Variants in ANKRA2 observed in about 807,000 individuals in gnomAD.
ANKRA2 encodes the protein ankyrin repeat family A protein 2.
ANKRA2 carries 33 observed loss-of-function variants against 37.8 expected under a neutral mutation model. That is an observed-to-expected ratio of 0.87 (90% CI 0.66 to 1.17). The LOEUF is 1.17. Ranked by LOEUF, ANKRA2 falls within the 50% of genes most tolerant of loss-of-function variation. The probability of loss-of-function intolerance (pLI) is 0.00; values close to 1 mark genes in which losing one functional copy is unlikely to be tolerated. For synonymous variants in ANKRA2, 126 were observed against 132.3 expected (o/e 0.95, Z 0.33); for missense variants, 326 against 373.7 (o/e 0.87, Z 1.05).
chr5:73,554,927 A>C lies in ANKRA2; in HGVS notation c.672T>G (p.Ser224Arg). The change falls in exon 6 of 9, where the codon AGT becomes AGG. Residue 224 changes from serine to arginine, a missense_variant. Physicochemically the swap from Ser to Arg is moderately radical, Grantham distance 110. Transcript: ENST00000296785. The part of the protein sequence containing the change: ...GRESALSLAC[S>R]KGYTDIVKML... Reference sequence around the variant, plus strand: ...TTTTGACAATATCTGTGTAGCCTTTACTACAGGCCAACGACAGTGCACTTT... The same window carrying C: ...TTTTGACAATATCTGTGTAGCCTTTCCTACAGGCCAACGACAGTGCACTTT... 1 of 1,613,816 alleles carries C rather than the reference A, an allele frequency of 6.2e-7. No homozygotes were observed. Among genetic ancestry groups the C allele is most frequent in the South Asian group, 1.1e-5 (1 of 91,064 alleles).
chr5:73,555,429 C>T, intron 5 of ANKRA2, 59 bp downstream of exon 5: 2 of 1,599,358 alleles, frequency 1.3e-6, no homozygotes, highest in Non-Finnish European at 1.7e-6. Context: ...TATAAAAACT[C>T]TACTAAAGAC....
intron 5 of ANKRA2, 140 bp from the exon 6 acceptor site, chr5:73,555,126 C>A: frequency 6.9e-7 from 1 of 1,440,784 alleles, no homozygotes; most frequent in Middle Eastern, 2.1e-4. Context: ...AACTTTTACT[C>A]ATGGATGCTT....
rs1183441692 is a variant in ANKRA2 at position 73,565,627 on chromosome 5, G to C, written c.-600C>G. Reference sequence around the variant, plus strand: ...TTCAGTTGACGGTTCTGGGTCACCAGAGCAGAGGAAGCCCCAATTTCGCCC... The same window carrying C: ...TTCAGTTGACGGTTCTGGGTCACCACAGCAGAGGAAGCCCCAATTTCGCCC... On this transcript the variant is annotated 5_prime_UTR_variant, in exon 1 of 9. Transcript: ENST00000296785. 4 of 399,928 alleles carry C rather than the reference G, an allele frequency of 1.0e-5. No homozygotes were observed. The highest frequency in any genetic ancestry group is 2.0e-5 in the Non-Finnish European group (4 of 200,072). 24.8% of individuals were successfully genotyped at this position (399,928 alleles called of 1,614,324 possible). A position where few individuals can be genotyped will look rare whatever the true frequency, so the allele number is the denominator to read the frequency against.
intron 3 of ANKRA2, among the ~76,000 whole-genome samples, chr5:73,559,167 A>G (rs1202680147): frequency 1.3e-5 from 2 of 152,242 alleles, no homozygotes; most frequent in African/African-American, 4.8e-5. Flanking sequence ...AGAGTCCTAC[A>G]GGAAGATTCT....
At chr5:73,553,294 G>A in intron 8 of ANKRA2, 112 bp downstream of exon 8, 1 of 737,124 alleles carries the variant, frequency 1.4e-6, no homozygotes, top group Non-Finnish European at 2.1e-6. Flanking sequence ...TATATGTCAG[G>A]AGTTGGGATA....
chr5:73,556,242 AGTTATT>A (rs890469280), intron 4 of ANKRA2, among the ~76,000 whole-genome samples: 1 of 152,198 alleles, frequency 6.6e-6, no homozygotes, highest in Non-Finnish European at 1.5e-5. Context: ...ATTGTCTACT[AGTTATT>A]AAGTCCACAG....
chr5:73,558,516 C>G (rs1747460288), intron 3 of ANKRA2, among the ~76,000 whole-genome samples: 1 of 152,100 alleles, frequency 6.6e-6, no homozygotes. Context: ...AAATGAAAAA[C>G]TGGCCTTGAG....
In ANKRA2 at chr5:73,554,338, A is replaced by G. The variant is rs1747339589; in HGVS notation, c.789T>C (p.Cys263=). ...LYAVHGNHVK[C]VKMLLESGAD... ...TCTGCTTACCTAAGAGCATCTTTAC[A>G]CATTTCACATGATTTCCATGTACAG... The change falls in exon 7 of 9, where the codon TGT becomes TGC. Residue 263 remains cysteine (C), a synonymous_variant. Transcript: ENST00000296785. 1 of 1,613,678 alleles carries G rather than the reference A, an allele frequency of 6.2e-7. No individual in the cohort carries two copies. Among genetic ancestry groups the G allele is most frequent in the African/African-American group, 1.3e-5 (1 of 75,038 alleles).
At chr5:73,560,249 A>G (rs1386068985) in intron 3 of ANKRA2, among the ~76,000 whole-genome samples, 1 of 152,194 alleles carries the variant, frequency 6.6e-6, no homozygotes, top group East Asian at 1.9e-4. Flanking sequence ...TACATTATGG[A>G]ATGATTAAAG....
chr5:73,559,272 A>G (rs562568288), intron 3 of ANKRA2, among the ~76,000 whole-genome samples: 1 of 152,314 alleles, frequency 6.6e-6, no homozygotes. Context: ...TAGAATATAG[A>G]TATATTTATC....
At chr5:73,555,101 T>G (rs879713427) in intron 5 of ANKRA2, 115 bp from the exon 6 acceptor site, 13 of 1,473,396 alleles carry the variant, frequency 8.8e-6, no homozygotes, top group Non-Finnish European at 1.2e-5. Context: ...CTGGGCTTAA[T>G]AAAGAAATAA....
At chr5:73,557,818 C>T (rs1036449609) in intron 3 of ANKRA2, among the ~76,000 whole-genome samples, 178 bp from the exon 4 acceptor site, 2 of 152,030 alleles carry the variant, frequency 1.3e-5, no homozygotes, top group Admixed American at 6.5e-5. Flanking sequence ...GGCTCATGCC[C>T]GTAATCCCAG....
Position 73,561,227 on chromosome 5 carries a change from G to A in ANKRA2, c.351C>T (p.Pro117=). The A allele has an allele frequency of 1.2e-6, 2 of 1,613,318 alleles. No individual in the cohort carries two copies. The highest frequency in any genetic ancestry group is 1.7e-6 in the Non-Finnish European group (2 of 1,179,312). ...PGIQVRHVYT[P]STTKHFSPIK... The stretch of plus-strand genomic sequence containing the variant: ...TGGGTGAGAAATGCTTTGTTGTAGA[G>A]GGGGTGTAGACATGCCTTACTTGAA... Residue 117 remains proline, a synonymous_variant, in exon 3 of 9, where the codon CCC becomes CCT. Transcript: ENST00000296785.
intron 2 of ANKRA2, 39 bp downstream of exon 2, chr5:73,562,554 A>T: frequency 6.5e-7 from 1 of 1,527,526 alleles, no homozygotes; most frequent in Non-Finnish European, 8.8e-7. Flanking sequence ...ATATACAAAA[A>T]CAAAAACAAA....
chr5:73,557,691 C>T (rs1747439241), intron 3 of ANKRA2, 51 bp from the exon 4 acceptor site: 1 of 1,314,640 alleles, frequency 7.6e-7, no homozygotes, highest in Non-Finnish European at 1.1e-6. Context: ...GGTACACTTG[C>T]ATCATCCCAT....
chr5:73,560,989 A>T lies in ANKRA2; in HGVS notation c.448+141T>A, dbSNP rs542098620. ...AGTGACAGAATTTCCTTCTTTTTTAAGGTTGAATAGTATTCCATTGTGTAG... is the reference window on the plus strand; with the variant it reads ...AGTGACAGAATTTCCTTCTTTTTTATGGTTGAATAGTATTCCATTGTGTAG... On this transcript the variant is annotated intron_variant, in intron 3 of 8. Coordinates refer to ENST00000296785, the MANE Select transcript of ANKRA2 (RefSeq NM_023039.5). 2.1e-5 allele frequency: 18 copies of T among 856,896 alleles called. No homozygotes were observed. In the South Asian group the frequency reaches 3.7e-4, roughly 18 times the overall value. The allele number at this position is 856,896 out of a possible 1,614,324, so 53.1% of individuals were successfully genotyped here.
At chr5:73,563,626 G>A (rs1272364051) in intron 1 of ANKRA2, among the ~76,000 whole-genome samples, 1 of 152,112 alleles carries the variant, frequency 6.6e-6, no homozygotes, top group African/African-American at 2.4e-5. Context: ...CTTAATGTAG[G>A]TTTTCATGAA....
At chr5:73,559,584 T>G (rs184070777) in intron 3 of ANKRA2, among the ~76,000 whole-genome samples, 1 of 152,290 alleles carries the variant, frequency 6.6e-6, no homozygotes, top group African/African-American at 2.4e-5. Context: ...AGCCTTGAAC[T>G]CTAAGAAGAT....
rs16876099 is a variant in ANKRA2 at position 73,552,439 on chromosome 5, G to C, written c.*358C>G. The C allele has an allele frequency of 6.2e-6, 1 of 161,194 alleles. No homozygotes were observed. The highest frequency in any genetic ancestry group is 1.3e-5 in the Non-Finnish European group (1 of 74,286). The allele number at this position is 161,194 out of a possible 1,614,324, so 10.0% of individuals were successfully genotyped here. On this transcript the variant is annotated 3_prime_UTR_variant, in exon 9 of 9. Coordinates refer to ENST00000296785, the MANE Select transcript of ANKRA2 (RefSeq NM_023039.5). The stretch of plus-strand genomic sequence containing the variant: ...AACAATTTTTTTCTAGGGATTTATA[G>C]CAAACCCTATATAAAGTGAATGACT...
Sources: gnomAD v4.1 joint callset for allele counts (sites outside exome capture counted in the v4.1 genomes callset) on GRCh38, gnomAD v4.1.1 for gene constraint, MANE v1.5 for transcripts, NCBI Gene and HGNC (gene_info 2026-07-23, HGNC 2026-07-21) for gene names.